The following PAPPA2 variants were observed in gnomAD, a reference collection of about 807,000 sequenced individuals.
The protein encoded by PAPPA2 is pappalysin 2.
PAPPA2 carries 86 observed loss-of-function variants against 176.4 expected under a neutral mutation model. The ratio of observed to expected loss-of-function variants is 0.49; its 90% CI spans 0.41 to 0.58. PAPPA2 has a LOEUF of 0.58. Ranked by LOEUF, PAPPA2 falls within the 20% of genes least tolerant of loss-of-function variation. The probability of loss-of-function intolerance (pLI) is 0.00; values close to 1 mark genes in which losing one functional copy is unlikely to be tolerated. For missense variants in PAPPA2, 2,073 were observed against 2,256.9 expected, an observed-to-expected ratio of 0.92 and a Z score of 1.65; for synonymous variants, 809 against 852.2, an observed-to-expected ratio of 0.95 and a Z score of 0.88.
intron 4 of PAPPA2, among the ~76,000 whole-genome samples, chr1:176,673,988 A>G (rs1439085402): frequency 6.6e-6 from 1 of 152,122 alleles, no homozygotes; most frequent in Non-Finnish European, 1.5e-5. Flanking sequence ...GAAATCACAA[A>G]AAGTAAGACT....
rs957253602 is a variant in PAPPA2, at chr1:176,806,002, A to C, written c.5202+5870A>C. On this transcript the variant is annotated intron_variant, in intron 21 of 22. Transcript: ENST00000367662. ...AACCCTGTCTCTCTCAAAAAAAAAA[A>C]AAAAAAAAAAAAGGAAGCAATTCAA... is the stretch of plus-strand genomic sequence containing the variant. Among the ~76,000 whole-genome samples the C allele has an allele frequency of 6.6e-5, 10 of 151,538 alleles. 1 individual carries two copies. Among genetic ancestry groups the C allele is most frequent in the African/African-American group, 2.4e-4 (10 of 41,328 alleles).
intron 18 of PAPPA2, 132 bp from the exon 19 acceptor site, chr1:176,791,215 A>G (rs1455421132): frequency 1.2e-5 from 3 of 243,784 alleles, no homozygotes; most frequent in Non-Finnish European, 2.0e-5. Flanking sequence ...CAGTAACAAT[A>G]TGTTGTTTCA....
At chr1:176,548,100 A>G (rs558089399) in intron 1 of PAPPA2, among the ~76,000 whole-genome samples, 2 of 152,354 alleles carry the variant, frequency 1.3e-5, no homozygotes, top group South Asian at 4.1e-4. Context: ...GATGAAAATG[A>G]AATATTTTAA....
Position 176,740,177 on chromosome 1 carries a change from C to A in PAPPA2, c.4132C>A (p.Gln1378Lys). 6.2e-7 allele frequency: 1 copy of A among 1,613,688 alleles called. No homozygotes were observed. Among genetic ancestry groups the A allele is most frequent in the East Asian group, 2.2e-5 (1 of 44,852 alleles). The change falls in exon 14 of 23, where the codon CAG (glutamine) becomes AAG (lysine). Residue 1378 changes from glutamine (Q) to lysine (K), a missense_variant. Around this residue, in one of 4 missense-constraint regions of PAPPA2, gnomAD observed 846 missense variants for 857.9 expected, o/e 0.99. Transcript: ENST00000367662. ...TAACTGCATCTCAGAGGACGAGGGG[C>A]AGAATCATCAGGGACAGAGGTACAA... is the stretch of plus-strand genomic sequence containing the variant. Reference protein sequence around the residue: ...PSNCISEDEGQNHQGQSCIHR... With the variant: ...PSNCISEDEGKNHQGQSCIHR...
chr1:176,695,775 G>A lies in PAPPA2; in HGVS notation c.2662G>A (p.Gly888Arg), dbSNP rs756845782. The change falls in exon 7 of 23, where the codon GGG (glycine) becomes AGG (arginine). Residue 888 changes from glycine (G) to arginine (R), a missense_variant. Around this residue, in one of 4 missense-constraint regions of PAPPA2, gnomAD observed 1,196 missense variants for 1,330.4 expected, o/e 0.90. Coordinates refer to ENST00000367662, the MANE Select transcript of PAPPA2 (RefSeq NM_020318.3). ...GSLCGACTED[G>R]TFRQYVHTAS... ...CTTGTGTGGCGCTTGCACTGAAGATGGGACCTTTCGTCAGTATGTGCACAC... is the reference window on the plus strand; with the variant it reads ...CTTGTGTGGCGCTTGCACTGAAGATAGGACCTTTCGTCAGTATGTGCACAC... The A allele has an allele frequency of 1.2e-6, 2 of 1,613,986 alleles. No homozygotes were observed. Among genetic ancestry groups the A allele is most frequent in the Non-Finnish European group, 8.5e-7 (1 of 1,179,942 alleles).
intron 19 of PAPPA2, among the ~76,000 whole-genome samples, chr1:176,792,895 T>C (rs948256917): frequency 1.3e-5 from 2 of 152,132 alleles, no homozygotes; most frequent in African/African-American, 4.8e-5. Context: ...TGGAAGGGAA[T>C]AGAGCAAGAT....
At chr1:176,666,561 ATGTGTGTGTGTG>A (rs139660279) in intron 3 of PAPPA2, among the ~76,000 whole-genome samples, 2,912 of 109,572 alleles carry the variant, frequency 0.027, 82 homozygotes, top group South Asian at 0.13. Context: ...GTAAATATAT[ATGTGTGTGTGTG>A]TGTGTGTGTG....
chr1:176,794,111 TC>T (rs1665315057), intron 20 of PAPPA2, among the ~76,000 whole-genome samples: 2 of 152,206 alleles, frequency 1.3e-5, no homozygotes, highest in Non-Finnish European at 2.9e-5. Context: ...TTTGCCTTGC[TC>T]TGGGGGTTCT....
At chr1:176,826,985 G>T (rs949027793) in intron 21 of PAPPA2, among the ~76,000 whole-genome samples, 1 of 152,172 alleles carries the variant, frequency 6.6e-6, no homozygotes, top group African/African-American at 2.4e-5. Flanking sequence ...AATTATTTTA[G>T]AAAAGTGCAT....
intron 4 of PAPPA2, among the ~76,000 whole-genome samples, chr1:176,683,414 A>C (rs543035883): frequency 6.6e-6 from 1 of 152,248 alleles, no homozygotes; most frequent in South Asian, 2.1e-4. Context: ...TTCCATGTAC[A>C]AGTTGATGGT....
intron 2 of PAPPA2, among the ~76,000 whole-genome samples, chr1:176,582,010 G>A (rs1160087457): frequency 1.5e-4 from 21 of 142,032 alleles, no homozygotes; most frequent in Admixed American, 8.9e-4. Flanking sequence ...TGCAAGCTCC[G>A]CCTCCCGGGT....
At chr1:176,646,405 A>G (rs1319050970) in intron 3 of PAPPA2, among the ~76,000 whole-genome samples, 1 of 151,174 alleles carries the variant, frequency 6.6e-6, no homozygotes. Context: ...CTTTCTTTGC[A>G]TTACAAACAT....
rs551595118 is a variant in PAPPA2, at chr1:176,565,437, G to A, written c.919+8196G>A. On this transcript the variant is annotated intron_variant, in intron 2 of 22. Transcript: ENST00000367662. ...GGGCTGGGCACAGTGGCTCACGCCTGTAAAACTAGCACTTTGGGAGGCTGA... is the reference window on the plus strand; with the variant it reads ...GGGCTGGGCACAGTGGCTCACGCCTATAAAACTAGCACTTTGGGAGGCTGA... Among the ~76,000 whole-genome samples the A allele has an allele frequency of 3.3e-5, 5 of 152,324 alleles. No homozygotes were observed. In the South Asian group the frequency reaches 6.2e-4, roughly 19 times the overall value.
chr1:176,740,213 CT>C lies in PAPPA2; in HGVS notation c.4151+20del, dbSNP rs754452432. 20 of 1,605,382 alleles carry C rather than the reference CT, an allele frequency of 1.2e-5. No homozygotes were observed. Among genetic ancestry groups the C allele is most frequent in the East Asian group, 2.2e-5 (1 of 44,674 alleles). On this transcript the variant is annotated intron_variant, in intron 14 of 22. Coordinates refer to ENST00000367662, the MANE Select transcript of PAPPA2 (RefSeq NM_020318.3). ...GGGACAGAGGTACAAACTTCCCTTT[CT>C]TTCTTTTGTTTCCTTTTCTTGTGGC...
intron 14 of PAPPA2, among the ~76,000 whole-genome samples, chr1:176,758,333 G>A (rs192726035): frequency 1.8e-4 from 27 of 152,324 alleles, no homozygotes; most frequent in Admixed American, 1.4e-3. Flanking sequence ...ATCCAGAAGT[G>A]AGGAGGAAGC....
rs147265570 is a variant in PAPPA2 at position 176,593,958 on chromosome 1, G to C, written c.920-566G>C. ...GCCATGAGAGGTATTAGAGGGAATA[G>C]TGTGCTAGGAATGATGTCTGGGATG... On this transcript the variant is annotated intron_variant, in intron 2 of 22. Transcript: ENST00000367662. Among the ~76,000 whole-genome samples the C allele has an allele frequency of 5.3e-5, 8 of 152,206 alleles. 1 individual carries two copies. Among genetic ancestry groups the C allele is most frequent in the Non-Finnish European group, 2.9e-5 (2 of 68,034 alleles).
chr1:176,803,856 CTT>C (rs1487751136), intron 21 of PAPPA2, among the ~76,000 whole-genome samples: 1 of 152,160 alleles, frequency 6.6e-6, no homozygotes, highest in Non-Finnish European at 1.5e-5. Context: ...CTTCAAATCT[CTT>C]TGTGCACACT....
intron 1 of PAPPA2, among the ~76,000 whole-genome samples, chr1:176,521,193 A>G (rs983236400): frequency 1.3e-5 from 2 of 152,026 alleles, no homozygotes; most frequent in Non-Finnish European, 2.9e-5. Flanking sequence ...TATTTTTTCC[A>G]TTCTTCCCAT....
At chr1:176,769,875 C>T in intron 16 of PAPPA2, 91 bp downstream of exon 16, 1 of 1,335,744 alleles carries the variant, frequency 7.5e-7, no homozygotes, top group Non-Finnish European at 1.0e-6. Context: ...TACCCCAACA[C>T]CTTTCCTATT....
Sources: gnomAD v4.1 joint callset for allele counts (sites outside exome capture counted in the v4.1 genomes callset) on GRCh38, gnomAD v4.1.1 for gene constraint, gnomAD v4.1.1 regional missense constraint, MANE v1.5 for transcripts, NCBI Gene and HGNC (gene_info 2026-07-23, HGNC 2026-07-21) for gene names.